NDUFAF2: variants seen among roughly 807,000 people sequenced by gnomAD.
NDUFAF2 encodes NADH:ubiquinone oxidoreductase complex assembly factor 2, also known as NADH dehydrogenase [ubiquinone] 1 alpha subcomplex assembly factor 2.
NDUFAF2 carries 13 observed loss-of-function variants against 22.8 expected under a neutral mutation model. That is an observed-to-expected ratio of 0.57 (90% CI 0.37 to 0.91). The LOEUF (loss-of-function observed/expected upper bound fraction) is 0.91. NDUFAF2 is among the 40% of genes least tolerant of loss of function. NDUFAF2 has a pLI of 0.01. For missense variants in NDUFAF2, 162 were observed against 195.2 expected (o/e 0.83, Z 1.01); for synonymous variants, 53 against 64.2 (o/e 0.83, Z 0.84).
intron 3 of NDUFAF2, among the ~76,000 whole-genome samples, chr5:61,121,773 A>G (rs1251556825): frequency 6.6e-6 from 1 of 151,918 alleles, no homozygotes; most frequent in Non-Finnish European, 1.5e-5. Context: ...CATTCCCTCT[A>G]GGAGGAGGGA....
chr5:60,961,608 A>G lies in NDUFAF2; in HGVS notation c.127+16226A>G, dbSNP rs927848900. On this transcript the variant is annotated intron_variant, in intron 1 of 3. Coordinates refer to ENST00000296597, the MANE Select transcript of NDUFAF2 (RefSeq NM_174889.5). ...AGACTCTGTCTCAAAAAAAAAAAAA[A>G]AAAAAAAATTAGCCAGACATGGTGG... 4.2e-4 allele frequency among the ~76,000 whole-genome samples: 63 copies of G among 150,038 alleles called. No individual in the cohort carries two copies. In the South Asian group the frequency reaches 5.7e-3, roughly 14 times the overall value.
intron 1 of NDUFAF2, among the ~76,000 whole-genome samples, chr5:61,027,477 T>A (rs1026297256): frequency 2.0e-5 from 3 of 152,052 alleles, no homozygotes; most frequent in Admixed American, 2.0e-4. Flanking sequence ...AAATATATTT[T>A]GACTTTTTAT....
chr5:61,028,479 C>T (rs537503618), intron 1 of NDUFAF2, among the ~76,000 whole-genome samples: 110 of 152,214 alleles, frequency 7.2e-4, no homozygotes, highest in African/African-American at 2.4e-3. Context: ...TCAACACTTG[C>T]ATTTCTTAGT....
chr5:61,121,440 T>A lies in NDUFAF2; in HGVS notation c.258+22408T>A, dbSNP rs372484808. Reference sequence around the variant, plus strand: ...TTCTTTTTAATGAGCTAGAAAAACATGGAATAGAAAGTATCAGTGTACAAA... The same window carrying A: ...TTCTTTTTAATGAGCTAGAAAAACAAGGAATAGAAAGTATCAGTGTACAAA... On this transcript the variant is annotated intron_variant, in intron 3 of 3. Transcript: ENST00000296597. Among the ~76,000 whole-genome samples, 26 of 152,208 alleles carry A rather than the reference T, an allele frequency of 1.7e-4. No individual in the cohort carries two copies. In the East Asian group the frequency reaches 4.8e-3, roughly 28 times the overall value.
At chr5:61,001,533 TACAGAG>T (rs1452410342) in intron 1 of NDUFAF2, among the ~76,000 whole-genome samples, 1 of 152,102 alleles carries the variant, frequency 6.6e-6, no homozygotes, top group Non-Finnish European at 1.5e-5. Flanking sequence ...AGTCGAGACA[TACAGAG>T]TTTGTCTTTA....
intron 1 of NDUFAF2, among the ~76,000 whole-genome samples, chr5:61,017,284 C>T (rs1751524085): frequency 6.6e-6 from 1 of 152,112 alleles, no homozygotes; most frequent in Admixed American, 6.6e-5. Context: ...GAGAATTAAG[C>T]ATGGGAGTCC....
chr5:60,991,654 A>G (rs1051636558), intron 1 of NDUFAF2, among the ~76,000 whole-genome samples: 17 of 152,166 alleles, frequency 1.1e-4, no homozygotes, highest in Non-Finnish European at 2.1e-4. Flanking sequence ...TTATGGCTGA[A>G]TGTATCCATT....
chr5:61,098,381 G>A (rs959930489), intron 2 of NDUFAF2, among the ~76,000 whole-genome samples: 13 of 152,294 alleles, frequency 8.5e-5, no homozygotes, highest in Admixed American at 5.9e-4. Context: ...AAAGGCAGCT[G>A]CCCCACTCCC....
chr5:60,992,871 A>T (rs1251632901), intron 1 of NDUFAF2, among the ~76,000 whole-genome samples: 1 of 152,118 alleles, frequency 6.6e-6, no homozygotes, highest in Non-Finnish European at 1.5e-5. Flanking sequence ...TAAGGTTTTC[A>T]CTGAAAAGTT....
intron 3 of NDUFAF2, among the ~76,000 whole-genome samples, chr5:61,145,323 A>G (rs1741123158): frequency 1.3e-5 from 2 of 152,188 alleles, no homozygotes; most frequent in African/African-American, 2.4e-5. Context: ...CTACATTACA[A>G]AAACAATGAT....
At chr5:61,142,488 GA>G (rs146566765) in intron 3 of NDUFAF2, among the ~76,000 whole-genome samples, 2,580 of 152,116 alleles carry the variant, frequency 0.017, 78 homozygotes, top group African/African-American at 0.059. Flanking sequence ...GAAATGTTTT[GA>G]AAAAATGCAT....
At chr5:61,130,066 T>C (rs1453052366) in intron 3 of NDUFAF2, among the ~76,000 whole-genome samples, 1 of 152,126 alleles carries the variant, frequency 6.6e-6, no homozygotes, top group African/African-American at 2.4e-5. Context: ...CGAAGCTTTT[T>C]ATTGCCAGAA....
chr5:61,034,880 A>G (rs771884681), intron 1 of NDUFAF2, among the ~76,000 whole-genome samples: 1 of 150,706 alleles, frequency 6.6e-6, no homozygotes, highest in East Asian at 2.0e-4. Context: ...GTATGTGTAC[A>G]TATTTGGGTT....
chr5:61,028,547 G>A (rs112750404), intron 1 of NDUFAF2, among the ~76,000 whole-genome samples: 3,667 of 152,088 alleles, frequency 0.024, 61 homozygotes, highest in Non-Finnish European at 0.037. Flanking sequence ...GTTAATAACT[G>A]CATATTTTCC....
At chr5:61,134,640 C>T (rs199778245) in intron 3 of NDUFAF2, among the ~76,000 whole-genome samples, 1 of 152,036 alleles carries the variant, frequency 6.6e-6, no homozygotes, top group Non-Finnish European at 1.5e-5. Context: ...GAGCTGAGAT[C>T]GTGCCACTGC....
chr5:61,130,137 C>G (rs1305533787), intron 3 of NDUFAF2, among the ~76,000 whole-genome samples: 1 of 152,072 alleles, frequency 6.6e-6, no homozygotes, highest in Non-Finnish European at 1.5e-5. Context: ...AATGGTAAGA[C>G]AAACTTTTAG....
intron 3 of NDUFAF2, among the ~76,000 whole-genome samples, chr5:61,152,388 T>A (rs1004875283): frequency 2.0e-5 from 3 of 152,144 alleles, no homozygotes; most frequent in African/African-American, 7.2e-5. Flanking sequence ...GCTTAGGAAA[T>A]CTTTCATAGA....
chr5:60,954,927 A>G (rs567191451), intron 1 of NDUFAF2, among the ~76,000 whole-genome samples: 2 of 152,154 alleles, frequency 1.3e-5, no homozygotes, highest in Non-Finnish European at 2.9e-5. Flanking sequence ...TTTAAAATCA[A>G]TTTATTTGGT....
At chr5:61,148,325 G>GA (rs1741171186) in intron 3 of NDUFAF2, among the ~76,000 whole-genome samples, 1 of 152,162 alleles carries the variant, frequency 6.6e-6, no homozygotes. Context: ...TCCAGTATCT[G>GA]AAAAATGTAT....
Sources: gnomAD v4.1 joint callset for allele counts (sites outside exome capture counted in the v4.1 genomes callset) on GRCh38, gnomAD v4.1.1 for gene constraint, MANE v1.5 for transcripts, NCBI Gene and HGNC (gene_info 2026-07-23, HGNC 2026-07-21) for gene names.